Variants in GRIK3 observed in about 807,000 individuals in gnomAD.
GRIK3 encodes the protein glutamate receptor ionotropic, kainate 3.
GRIK3 carries 29 observed loss-of-function variants against 102.5 expected under a neutral mutation model. The observed-to-expected ratio is 0.28, with a 90% confidence interval of 0.21 to 0.39. The LOEUF is 0.39. Among genes scored for constraint, GRIK3 ranks in the 10% least tolerant of loss-of-function variants. GRIK3 has a pLI of 1.00. For missense variants in GRIK3, 908 were observed against 1,252.4 expected (o/e 0.73, Z 4.15); for synonymous variants, 511 against 504.9 (o/e 1.01, Z -0.16).
intron 1 of GRIK3, among the ~76,000 whole-genome samples, chr1:37,025,539 C>A (rs1336738730): frequency 1.3e-5 from 2 of 152,198 alleles, no homozygotes; most frequent in African/African-American, 2.4e-5. Flanking sequence ...AATGTGATGC[C>A]TGGAGCCCTG....
chr1:36,914,336 C>T (rs1490522155), intron 1 of GRIK3, among the ~76,000 whole-genome samples: 1 of 152,196 alleles, frequency 6.6e-6, no homozygotes, highest in Non-Finnish European at 1.5e-5. Flanking sequence ...TGCAGAGAAG[C>T]TAAAGTCTTC....
At chr1:36,855,965 A>G (rs1160308622) in intron 7 of GRIK3, among the ~76,000 whole-genome samples, 1 of 152,268 alleles carries the variant, frequency 6.6e-6, no homozygotes, top group Admixed American at 6.5e-5. Flanking sequence ...GTGGGACAAG[A>G]CAGATTCGTT....
At chr1:36,966,499 G>T (rs1031212513) in intron 1 of GRIK3, among the ~76,000 whole-genome samples, 5 of 152,112 alleles carry the variant, frequency 3.3e-5, no homozygotes, top group Admixed American at 1.3e-4. Flanking sequence ...CTTGGCTAAG[G>T]CTGAGGATGA....
chr1:36,843,510 G>A (rs1296400225), intron 9 of GRIK3, among the ~76,000 whole-genome samples: 1 of 152,180 alleles, frequency 6.6e-6, no homozygotes, highest in African/African-American at 2.4e-5. Flanking sequence ...CTGAACTACA[G>A]TGATGGGATC....
At chr1:36,906,680 T>C (rs2124290236) in intron 1 of GRIK3, among the ~76,000 whole-genome samples, 1 of 152,318 alleles carries the variant, frequency 6.6e-6, no homozygotes, top group African/African-American at 2.4e-5. Flanking sequence ...GACTCACTTC[T>C]GCCACTGTAG....
intron 1 of GRIK3, among the ~76,000 whole-genome samples, chr1:36,907,869 A>G (rs1641301511): frequency 6.6e-6 from 1 of 152,016 alleles, no homozygotes; most frequent in African/African-American, 2.4e-5. Flanking sequence ...TTTTGGTTCC[A>G]CTCACAGGCT....
chr1:36,892,746 G>C (rs1053832610), intron 1 of GRIK3, among the ~76,000 whole-genome samples: 2 of 152,102 alleles, frequency 1.3e-5, no homozygotes, highest in Admixed American at 6.6e-5. Context: ...GTTTTAAAAA[G>C]AATGAGAGGT....
chr1:37,010,199 G>C (rs937885325), intron 1 of GRIK3, among the ~76,000 whole-genome samples: 1 of 152,138 alleles, frequency 6.6e-6, no homozygotes, highest in African/African-American at 2.4e-5. Flanking sequence ...CACCCAAGCC[G>C]GGCCACTCCT....
chr1:36,968,492 A>G (rs1274076703), intron 1 of GRIK3, among the ~76,000 whole-genome samples: 1 of 152,068 alleles, frequency 6.6e-6, no homozygotes, highest in Non-Finnish European at 1.5e-5. Flanking sequence ...AAGATTAGGG[A>G]ATGTTTTAAC....
At chr1:36,813,906 G>C (rs1557689766) in intron 13 of GRIK3, among the ~76,000 whole-genome samples, 1 of 152,182 alleles carries the variant, frequency 6.6e-6, no homozygotes, top group Admixed American at 6.5e-5. Context: ...ATTAAGGCAG[G>C]AGACAATGTG....
At chr1:36,871,456 A>T (rs1570771680) in intron 4 of GRIK3, among the ~76,000 whole-genome samples, 1 of 152,216 alleles carries the variant, frequency 6.6e-6, no homozygotes, top group Admixed American at 6.5e-5. Context: ...GTCACCAGAA[A>T]TGCTTTCTGG....
rs761983610 is a variant in GRIK3, at chr1:37,034,132, C to T, written c.-24G>A. On this transcript the variant is annotated 5_prime_UTR_variant, in exon 1 of 16. Coordinates refer to ENST00000373091, the MANE Select transcript of GRIK3 (RefSeq NM_000831.4). Reference sequence around the variant, plus strand: ...ATCGTTGGGCGCCGCCGAGCGTGCCCGGGGCGCGGCCGTGGCGGGCTCCCT... The same window carrying T: ...ATCGTTGGGCGCCGCCGAGCGTGCCTGGGGCGCGGCCGTGGCGGGCTCCCT... 2.2e-6 allele frequency: 3 copies of T among 1,343,388 alleles called. No individual in the cohort carries two copies. The highest frequency in any genetic ancestry group is 1.5e-5 in the African/African-American group (1 of 65,738). 83.2% of individuals were successfully genotyped at this position (1,343,388 alleles called of 1,614,324 possible).
intron 1 of GRIK3, among the ~76,000 whole-genome samples, chr1:36,983,855 G>C (rs1311515792): frequency 5.3e-5 from 8 of 152,068 alleles, no homozygotes; most frequent in African/African-American, 1.9e-4. Flanking sequence ...AATGCTTATT[G>C]GGCATCCACG....
rs1642674791 is a variant in GRIK3, at chr1:36,819,582, C to A, written c.1873+154G>T. On this transcript the variant is annotated intron_variant, in intron 12 of 15. Transcript: ENST00000373091. This position sits in a 1 kb window ranked among gnomAD's most constrained non-coding sequence, Gnocchi z 4.1. The stretch of plus-strand genomic sequence containing the variant: ...TAGGGGTCTGGGGCAAGGGCACACA[C>A]CTGGGTATCTCGATGTCTCCAAACT... Among the ~76,000 whole-genome samples the A allele has an allele frequency of 6.6e-6, 1 of 152,212 alleles. No homozygotes were observed. The highest frequency in any genetic ancestry group is 1.5e-5 in the Non-Finnish European group (1 of 68,038).
At chr1:36,840,597 C>T (rs56827534) in intron 10 of GRIK3, among the ~76,000 whole-genome samples, 27,572 of 150,436 alleles carry the variant, frequency 0.18, 2,938 homozygotes, top group African/African-American at 0.29. Flanking sequence ...TGGAGTGCCT[C>T]GTGCCTGTAG....
intron 13 of GRIK3, among the ~76,000 whole-genome samples, chr1:36,814,639 T>TAC (rs755206891): frequency 6.6e-5 from 10 of 151,132 alleles, no homozygotes; most frequent in Non-Finnish European, 1.3e-4. Flanking sequence ...CAGGCCATTA[T>TAC]ACACACACAC....
chr1:36,943,870 A>G (rs984938858), intron 1 of GRIK3, among the ~76,000 whole-genome samples: 53 of 152,256 alleles, frequency 3.5e-4, no homozygotes, highest in African/African-American at 1.2e-3. Flanking sequence ...GTGCTGCCCA[A>G]CCATGAGCTG....
intron 12 of GRIK3, among the ~76,000 whole-genome samples, chr1:36,818,373 G>C (rs1300307954): frequency 6.6e-6 from 1 of 152,196 alleles, no homozygotes; most frequent in Non-Finnish European, 1.5e-5. Context: ...GACAGATTGA[G>C]GCACTTCCCT....
chr1:36,840,566 AAAAAAAAAAAAT>A (rs547098572), intron 10 of GRIK3, among the ~76,000 whole-genome samples: 25,051 of 150,352 alleles, frequency 0.17, 2,338 homozygotes, highest in African/African-American at 0.23. Context: ...AAAAAAAAAA[AAAAAAAAAAAAT>A]TAGCCAGGTG....
Sources: allele counts gnomAD v4.1 joint callset (sites outside exome capture counted in the v4.1 genomes callset), GRCh38; gene constraint gnomAD v4.1.1; non-coding constraint Gnocchi (gnomAD v3.1); transcripts MANE v1.5; gene names NCBI Gene and HGNC (gene_info 2026-07-23, HGNC 2026-07-21).